The following ERFE variants were observed in gnomAD, a reference collection of about 807,000 sequenced individuals.
The protein encoded by ERFE is complement C1q tumor necrosis factor-related protein 15.
Under a neutral mutation model 26.6 loss-of-function variants are expected in ERFE, and 25 were observed. The observed-to-expected ratio is 0.94, with a 90% confidence interval of 0.69 to 1.31. ERFE has a LOEUF of 1.31. Among genes scored for constraint, ERFE ranks in the 40% most tolerant of loss-of-function variants. The probability of loss-of-function intolerance (pLI) is 0.00; values close to 1 mark genes in which losing one functional copy is unlikely to be tolerated. For missense variants in ERFE, 447 were observed against 440.2 expected (o/e 1.02, Z -0.14); for synonymous variants, 206 against 204.5 (o/e 1.01, Z -0.06).
rs72989058 is a variant in ERFE, at chr2:238,161,735, C to G, written c.321+19C>G. On this transcript the variant is annotated intron_variant, in intron 2 of 7. Transcript: ENST00000546354. ...GCTGAAGGTGAGGCCGGCATCCCGT[C>G]AGTGCCAGGCCGTGGGGGGTTCCGC... The G allele has an allele frequency of 7.8e-6, 12 of 1,530,918 alleles. No individual in the cohort carries two copies. The highest frequency in any genetic ancestry group is 1.1e-5 in the Non-Finnish European group (12 of 1,131,588). 94.8% of individuals were successfully genotyped at this position (1,530,918 alleles called of 1,614,324 possible). A position where few individuals can be genotyped will look rare whatever the true frequency, so the allele number is the denominator to read the frequency against.
chr2:238,162,982 A>G (rs7564476), intron 3 of ERFE, 144 bp downstream of exon 3: 485,745 of 633,376 alleles, frequency 0.77, 187,525 homozygotes, highest in East Asian at 0.86. Context: ...CAAGGACAGT[A>G]GAGCTGGCCA....
Position 238,167,320 on chromosome 2 carries a change from C to T in ERFE, c.*266C>T. On this transcript the variant is annotated 3_prime_UTR_variant, in exon 8 of 8. Transcript: ENST00000546354. ...AAGAAAGAGTCGGCGTGCCTGGGGG[C>T]ACCTGCTAGTCTCCAGCTGCAGGCC... The T allele has an allele frequency of 1.5e-6, 1 of 677,784 alleles. No individual in the cohort carries two copies. The highest frequency in any genetic ancestry group is 2.7e-6 in the Non-Finnish European group (1 of 369,138). 42.0% of individuals were successfully genotyped at this position (677,784 alleles called of 1,614,324 possible).
Position 238,163,951 on chromosome 2 carries a change from C to A in ERFE, c.639C>A (p.Asp213Glu). ...CTTTCCTCTGCCGCCTGCGCCGGGA[C>A]GCGTTGGTGGAGCGGCGCGCGCTGC... ...EAAFLCRLRRDALVERRALHE... is the reference protein window; with the variant it reads ...EAAFLCRLRREALVERRALHE... The change falls in exon 4 of 8, where the codon GAC becomes GAA. Residue 213 changes from aspartate to glutamate, a missense_variant. Coordinates refer to ENST00000546354, the MANE Select transcript of ERFE (RefSeq NM_001291832.2). 1.5e-6 allele frequency: 2 copies of A among 1,377,248 alleles called. No homozygotes were observed. Among genetic ancestry groups the A allele is most frequent in the South Asian group, 3.4e-5 (2 of 58,938 alleles). The allele number at this position is 1,377,248 out of a possible 1,614,324, so 85.3% of individuals were successfully genotyped here.
intron 6 of ERFE, among the ~76,000 whole-genome samples, chr2:238,164,969 C>T (rs2106320845): frequency 6.6e-6 from 1 of 152,340 alleles, no homozygotes; most frequent in South Asian, 2.1e-4. Context: ...CTCCTTCCCA[C>T]CTCAGGGACT....
intron 2 of ERFE, among the ~76,000 whole-genome samples, chr2:238,162,176 C>G (rs886921936): frequency 6.6e-6 from 1 of 152,230 alleles, no homozygotes; most frequent in Non-Finnish European, 1.5e-5. Context: ...GTGGGCTTCT[C>G]TGTCCCCTGG....
chr2:238,161,657 CAG>C lies in ERFE; in HGVS notation c.265_266del (p.Ser89Ter), dbSNP rs1175685220. The C allele has an allele frequency of 6.5e-7, 1 of 1,548,234 alleles. No individual in the cohort carries two copies. Among genetic ancestry groups the C allele is most frequent in the African/African-American group, 1.4e-5 (1 of 73,034 alleles). ...GGACGCCTGGATGCTCTTCGTCAGG[CAG>C]AGTGACAAGGGTGTCAATGGCAAGA... ...PRDAWMLFVR[Q>X]SDKGVNGKKR... On this transcript the variant is annotated frameshift_variant, in exon 2 of 8. Transcript: ENST00000546354. LOFTEE classifies it high-confidence loss of function.
chr2:238,167,082 G>A lies in ERFE; in HGVS notation c.*28G>A, dbSNP rs1693048994. On this transcript the variant is annotated 3_prime_UTR_variant, in exon 8 of 8. Transcript: ENST00000546354. ...GGCCACCACAGGCCCTTCCTCTCAG[G>A]GGCAAATGGAGCACAGATCTAGACA... The A allele has an allele frequency of 1.0e-5, 16 of 1,541,768 alleles. No individual in the cohort carries two copies. Among genetic ancestry groups the A allele is most frequent in the Non-Finnish European group, 1.4e-5 (16 of 1,140,046 alleles).
intron 7 of ERFE, among the ~76,000 whole-genome samples, chr2:238,166,212 T>C (rs970829579): frequency 6.6e-6 from 1 of 152,166 alleles, no homozygotes; most frequent in African/African-American, 2.4e-5. Context: ...AAGAAAACAA[T>C]TGAGTGCAGG....
intron 1 of ERFE, 142 bp downstream of exon 1, chr2:238,159,347 CAGAG>C: frequency 5.9e-6 from 1 of 169,582 alleles, no homozygotes; most frequent in Non-Finnish European, 1.2e-5. Flanking sequence ...CGGGGCTCCG[CAGAG>C]ACTCAGGGCC....
At position 238,168,635 on chromosome 2, in the gene ERFE, C is replaced by T; in HGVS notation, c.*1581C>T. ...GCCCTGGGAAAGGCCTGGTGCGATT[C>T]TCAGTAGGACTCACACCCACCCTAC... is the stretch of plus-strand genomic sequence containing the variant. On this transcript the variant is annotated 3_prime_UTR_variant, in exon 8 of 8. Coordinates refer to ENST00000546354, the MANE Select transcript of ERFE (RefSeq NM_001291832.2). 2.7e-6 allele frequency: 1 copy of T among 365,340 alleles called. No homozygotes were observed. Among genetic ancestry groups the T allele is most frequent in the South Asian group, 2.0e-5 (1 of 48,924 alleles). 22.6% of individuals were successfully genotyped at this position (365,340 alleles called of 1,614,324 possible). A position where few individuals can be genotyped will look rare whatever the true frequency, so the allele number is the denominator to read the frequency against.
intron 6 of ERFE, among the ~76,000 whole-genome samples, chr2:238,165,258 C>T (rs915995445): frequency 6.6e-6 from 1 of 152,252 alleles, no homozygotes; most frequent in African/African-American, 2.4e-5. Flanking sequence ...ACTTCTTAGT[C>T]TGCCTTTGAA....
intron 1 of ERFE, among the ~76,000 whole-genome samples, chr2:238,160,672 C>T (rs966516197): frequency 1.3e-5 from 2 of 152,172 alleles, no homozygotes; most frequent in Admixed American, 6.5e-5. Context: ...AAAAGAAGGC[C>T]CTGCATCCCC....
intron 1 of ERFE, among the ~76,000 whole-genome samples, chr2:238,160,438 C>A (rs576580523): frequency 6.6e-6 from 1 of 152,248 alleles, no homozygotes; most frequent in South Asian, 2.1e-4. Flanking sequence ...CCCATGTTTC[C>A]ACGGAGGGCA....
Position 238,163,858 on chromosome 2 carries a change from G to A in ERFE, c.546G>A (p.Val182=). 3 of 1,321,516 alleles carry A rather than the reference G, an allele frequency of 2.3e-6. No individual in the cohort carries two copies. Among genetic ancestry groups the A allele is most frequent in the Non-Finnish European group, 2.9e-6 (3 of 1,043,262 alleles). The allele number at this position is 1,321,516 out of a possible 1,614,324, so 81.9% of individuals were successfully genotyped here. Residue 182 remains valine, a synonymous_variant, in exon 4 of 8, where the codon GTG becomes GTA. Transcript: ENST00000546354. ...CCGGGGAGGACGACGACGACGTGGTGGGGGACGTGCTGGCACTGCTGGCCG... is the reference window on the plus strand; with the variant it reads ...CCGGGGAGGACGACGACGACGTGGTAGGGGACGTGCTGGCACTGCTGGCCG... ...ATAGEDDDDV[V]GDVLALLAAP...
intron 4 of ERFE, 38 bp downstream of exon 4, chr2:238,164,037 C>T: frequency 1.5e-6 from 2 of 1,378,462 alleles, no homozygotes; most frequent in Non-Finnish European, 1.9e-6. Flanking sequence ...TGAGTCCGGC[C>T]GGGCGGGAGC....
At chr2:238,161,298 C>T (rs1171283208) in intron 1 of ERFE, among the ~76,000 whole-genome samples, 2 of 152,176 alleles carry the variant, frequency 1.3e-5, no homozygotes, top group Non-Finnish European at 2.9e-5. Flanking sequence ...GGATTCACCC[C>T]GATATCCAAG....
intron 7 of ERFE, among the ~76,000 whole-genome samples, 167 bp from the exon 8 acceptor site, chr2:238,166,789 C>T (rs1361226394): frequency 6.6e-6 from 1 of 152,252 alleles, no homozygotes; most frequent in Non-Finnish European, 1.5e-5. Flanking sequence ...GGGCCCAACC[C>T]GTGCGGGCCC....
Position 238,163,814 on chromosome 2 carries a change from G to A in ERFE, c.502G>A (p.Ala168Thr), listed in dbSNP as rs1373373816. 1.3e-5 allele frequency: 17 copies of A among 1,335,464 alleles called. No homozygotes were observed. In the Admixed American group the frequency reaches 5.4e-4, roughly 43 times the overall value. 82.7% of individuals were successfully genotyped at this position (1,335,464 alleles called of 1,614,324 possible). A position where few individuals can be genotyped will look rare whatever the true frequency, so the allele number is the denominator to read the frequency against. ...GPAGPVAASL[A>T]PVSATAGEDD... is the part of the protein sequence containing the mutation. ...CGCCGGGCCGGTCGCTGCGAGCCTC[G>A]CCCCGGTCTCGGCCACCGCCGGGGA... is the stretch of plus-strand genomic sequence containing the variant. Residue 168 changes from alanine to threonine, a missense_variant, in exon 4 of 8, where the codon GCC becomes ACC. Ala to Thr is a moderately conservative substitution (Grantham distance 58). Transcript: ENST00000546354.
chr2:238,164,582 C>T (rs1370099970), intron 6 of ERFE: 7 of 550,026 alleles, frequency 1.3e-5, no homozygotes, highest in East Asian at 3.5e-5. Flanking sequence ...CAGCTGGGCG[C>T]GGTGGCTCAC....
Sources: gnomAD v4.1 joint callset for allele counts (sites outside exome capture counted in the v4.1 genomes callset) on GRCh38, gnomAD v4.1.1 for gene constraint, MANE v1.5 for transcripts, NCBI Gene and HGNC (gene_info 2026-07-23, HGNC 2026-07-21) for gene names.